The following ODAD2 variants were observed in gnomAD, a reference collection of about 807,000 sequenced individuals.
ODAD2 encodes the protein outer dynein arm docking complex subunit 2, also known as outer dynein arm-docking complex subunit 2.
Under a neutral mutation model 106.8 loss-of-function variants are expected in ODAD2, and 89 were observed. The ratio of observed to expected loss-of-function variants is 0.83; its 90% CI spans 0.70 to 0.99. The LOEUF (loss-of-function observed/expected upper bound fraction) is 0.99, where lower values mean the gene tolerates loss of function less well. Ranked by LOEUF, ODAD2 falls within the 50% of genes least tolerant of loss-of-function variation. ODAD2 has a pLI of 0.00. For missense variants in ODAD2, 1,168 were observed against 1,238.5 expected (o/e 0.94, Z 0.85); for synonymous variants, 404 against 436.2 (o/e 0.93, Z 0.92).
intron 17 of ODAD2, among the ~76,000 whole-genome samples, chr10:27,874,873 C>T (rs1304762828): frequency 2.0e-5 from 3 of 152,072 alleles, no homozygotes; most frequent in Non-Finnish European, 4.4e-5. Flanking sequence ...GTGGTGTTCT[C>T]TGTATTTCCT....
At chr10:27,922,524 G>A (rs1329916668) in intron 16 of ODAD2, among the ~76,000 whole-genome samples, 1 of 152,004 alleles carries the variant, frequency 6.6e-6, no homozygotes, top group Non-Finnish European at 1.5e-5. Flanking sequence ...GGAAAAGGAA[G>A]GGAGAAAAAG....
chr10:27,985,922 T>C (rs1191122399), intron 3 of ODAD2, among the ~76,000 whole-genome samples: 3 of 151,822 alleles, frequency 2.0e-5, no homozygotes, highest in African/African-American at 7.3e-5. Flanking sequence ...ACCAATATGG[T>C]TGAAAATGAA....
intron 17 of ODAD2, among the ~76,000 whole-genome samples, chr10:27,865,161 T>A (rs371046242): frequency 6.6e-6 from 1 of 152,250 alleles, no homozygotes; most frequent in East Asian, 1.9e-4. Flanking sequence ...TCAACTTCCC[T>A]GCCTTGACAC....
intron 19 of ODAD2, among the ~76,000 whole-genome samples, chr10:27,823,885 A>G (rs938670911): frequency 8.6e-6 from 1 of 116,494 alleles, no homozygotes; most frequent in African/African-American, 4.8e-5. Flanking sequence ...TCACGCCTGT[A>G]ATCCCAGCAC....
chr10:27,956,615 C>A (rs1014984541), intron 10 of ODAD2, among the ~76,000 whole-genome samples: 1 of 152,132 alleles, frequency 6.6e-6, no homozygotes, highest in Non-Finnish European at 1.5e-5. Flanking sequence ...CTCTGACATG[C>A]CTCTGAACTA....
At chr10:27,973,505 T>C (rs975189731) in intron 7 of ODAD2, among the ~76,000 whole-genome samples, 2 of 152,082 alleles carry the variant, frequency 1.3e-5, no homozygotes, top group Non-Finnish European at 2.9e-5. Flanking sequence ...CAATCTCAAG[T>C]AGGCCCCAGG....
At chr10:27,920,446 G>C (rs1235407977) in intron 16 of ODAD2, among the ~76,000 whole-genome samples, 1 of 152,050 alleles carries the variant, frequency 6.6e-6, no homozygotes, top group African/African-American at 2.4e-5. Context: ...CAACTGGCTG[G>C]ATGAGATACA....
At chr10:27,902,292 G>A (rs1366929376) in intron 17 of ODAD2, among the ~76,000 whole-genome samples, 1 of 152,108 alleles carries the variant, frequency 6.6e-6, no homozygotes, top group Non-Finnish European at 1.5e-5. Context: ...GAATCTATGG[G>A]AAATAGCTAA....
intron 2 of ODAD2, among the ~76,000 whole-genome samples, chr10:27,988,866 G>A (rs973389602): frequency 6.6e-6 from 1 of 152,170 alleles, no homozygotes; most frequent in Non-Finnish European, 1.5e-5. Flanking sequence ...TAGAAATTAA[G>A]TCAAGGATCC....
chr10:27,963,665 C>T (rs1307762928), intron 9 of ODAD2, among the ~76,000 whole-genome samples: 1 of 147,662 alleles, frequency 6.8e-6, no homozygotes, highest in Non-Finnish European at 1.5e-5. Flanking sequence ...GTCTTAATTC[C>T]TCTCATTCAG....
At chr10:27,941,338 AG>A (rs200331622) in intron 12 of ODAD2, among the ~76,000 whole-genome samples, 380 of 142,406 alleles carry the variant, frequency 2.7e-3, no homozygotes, top group African/African-American at 9.3e-3. Flanking sequence ...AAAAAAAAAA[AG>A]CTGGATGTGG....
At chr10:27,994,123 T>A (rs568793540) in intron 2 of ODAD2, among the ~76,000 whole-genome samples, 15 of 152,090 alleles carry the variant, frequency 9.9e-5, no homozygotes, top group African/African-American at 3.4e-4. Context: ...ATATATATAT[T>A]TTAGCCATGT....
chr10:27,935,283 G>T, intron 15 of ODAD2, 31 bp from the exon 16 acceptor site: 1 of 1,611,022 alleles, frequency 6.2e-7, no homozygotes, highest in Non-Finnish European at 8.5e-7. Flanking sequence ...AGGAGAATTG[G>T]TTTTTGTATA....
chr10:27,885,345 A>G (rs1213063282), intron 17 of ODAD2, among the ~76,000 whole-genome samples: 1 of 148,178 alleles, frequency 6.7e-6, no homozygotes, highest in Non-Finnish European at 1.5e-5. Flanking sequence ...CCCTGTCTCT[A>G]CTAAAAATAC....
chr10:27,840,802 C>G (rs1249825835), intron 19 of ODAD2, among the ~76,000 whole-genome samples: 3 of 152,138 alleles, frequency 2.0e-5, no homozygotes, highest in African/African-American at 7.2e-5. Context: ...GCTTTCTTGC[C>G]CATGGGAATT....
At chr10:27,871,780 C>A (rs1414570913) in intron 17 of ODAD2, among the ~76,000 whole-genome samples, 2 of 152,136 alleles carry the variant, frequency 1.3e-5, no homozygotes, top group Non-Finnish European at 2.9e-5. Flanking sequence ...AGTTTGAAGT[C>A]AGGTAGCGTG....
At chr10:27,817,676 T>C (rs937135285) in intron 19 of ODAD2, among the ~76,000 whole-genome samples, 3 of 152,200 alleles carry the variant, frequency 2.0e-5, no homozygotes, top group Non-Finnish European at 4.4e-5. Context: ...TCATTCTTTT[T>C]TATGACTGAG....
intron 7 of ODAD2, among the ~76,000 whole-genome samples, chr10:27,975,067 G>GTGA: frequency 2.0e-5 from 3 of 152,214 alleles, no homozygotes; most frequent in Non-Finnish European, 2.9e-5. Context: ...AGGAATTCTG[G>GTGA]TGATTTTTGT....
At chr10:27,990,664 C>G (rs893300299) in intron 2 of ODAD2, among the ~76,000 whole-genome samples, 7 of 152,168 alleles carry the variant, frequency 4.6e-5, no homozygotes, top group Non-Finnish European at 2.9e-5. Flanking sequence ...TCTCATAAAA[C>G]AATATTATTT....
Sources: gnomAD v4.1 joint callset for allele counts (sites outside exome capture counted in the v4.1 genomes callset) on GRCh38, gnomAD v4.1.1 for gene constraint, MANE v1.5 for transcripts, NCBI Gene and HGNC (gene_info 2026-07-23, HGNC 2026-07-21) for gene names.